The following USP45 variants were observed in gnomAD, a reference collection of about 807,000 sequenced individuals.
The protein encoded by USP45 is ubiquitin specific peptidase 45, also known as ubiquitin carboxyl-terminal hydrolase 45.
A neutral mutation model predicts 95.8 loss-of-function variants in USP45; 89 were observed. The observed-to-expected ratio is 0.93, with a 90% CI of 0.78 to 1.11. The LOEUF (loss-of-function observed/expected upper bound fraction) is 1.11. Among genes scored for constraint, USP45 ranks in the 50% least tolerant of loss-of-function variants. USP45 has a pLI of 0.00. For missense variants in USP45, 898 were observed against 942.5 expected (o/e 0.95, Z 0.62); for synonymous variants, 281 against 316.2 (o/e 0.89, Z 1.18).
rs9389377 is a variant in USP45, at chr6:99,455,022, G to A, written c.1309-8559C>T. Among the ~76,000 whole-genome samples the A allele has an allele frequency of 1.3e-4, 19 of 149,724 alleles. No individual in the cohort carries two copies. In the East Asian group the frequency reaches 2.9e-3, roughly 23 times the overall value. ...GGAGAATCACTTGAACCTGGGAGGT[G>A]GAGGTTGCAGTGAGCCAAGATCACA... On this transcript the variant is annotated intron_variant, in intron 13 of 17. Transcript: ENST00000500704.
chr6:99,436,244 T>A (rs545397156), intron 17 of USP45, among the ~76,000 whole-genome samples: 1 of 152,182 alleles, frequency 6.6e-6, no homozygotes, highest in African/African-American at 2.4e-5. Flanking sequence ...GCATTAATAT[T>A]ATAGGTATAA....
chr6:99,478,220 GTTT>G lies in USP45; in HGVS notation c.846-1993_846-1991del, dbSNP rs71021740. Among the ~76,000 whole-genome samples, 672 of 99,442 alleles carry G rather than the reference GTTT, an allele frequency of 6.8e-3. 7 individuals are homozygous for G. Among genetic ancestry groups the G allele is most frequent in the African/African-American group, 0.02 (559 of 27,288 alleles). The allele number at this position is 99,442 out of a possible 152,430, so 65.2% of individuals were successfully genotyped here. A position where few individuals can be genotyped will look rare whatever the true frequency, so the allele number is the denominator to read the frequency against. Reference sequence around the variant, plus strand: ...AAGAAAATTTAATAAACTTAGATTTGTTTTTTTTTTTTTTTTTTTTTTTTAACC... The same window carrying G: ...AAGAAAATTTAATAAACTTAGATTTGTTTTTTTTTTTTTTTTTTTTTAACC... On this transcript the variant is annotated intron_variant, in intron 8 of 17. Transcript: ENST00000500704.
chr6:99,452,072 A>C (rs1363788026), intron 13 of USP45, among the ~76,000 whole-genome samples: 3 of 152,254 alleles, frequency 2.0e-5, no homozygotes, highest in Admixed American at 1.3e-4. Flanking sequence ...AAAACCATAA[A>C]AACCCTAGAA....
rs17180915 is a variant in USP45 at position 99,435,350 on chromosome 6, T to G, written c.*366A>C. 6.2e-6 allele frequency: 1 copy of G among 162,062 alleles called. No homozygotes were observed. 10.0% of individuals were successfully genotyped at this position (162,062 alleles called of 1,614,324 possible). ...TAGAATATGTGAGAGTTCAGGAAGG[T>G]GGCATTACATTTAGGAATCACTGTC... On this transcript the variant is annotated 3_prime_UTR_variant, in exon 18 of 18. Coordinates refer to ENST00000500704, the MANE Select transcript of USP45 (RefSeq NM_001346022.3).
Position 99,488,675 on chromosome 6 carries a change from T to C in USP45, c.618+6A>G. The C allele has an allele frequency of 6.3e-7, 1 of 1,597,910 alleles. No homozygotes were observed. Among genetic ancestry groups the C allele is most frequent in the Non-Finnish European group, 8.5e-7 (1 of 1,174,228 alleles). Reference sequence around the variant, plus strand: ...ACATATTACAAAGCTTTCTGATGACTCTTACCTGCATGACTGCATTAAAAA... The same window carrying C: ...ACATATTACAAAGCTTTCTGATGACCCTTACCTGCATGACTGCATTAAAAA... On this transcript the variant is annotated splice_donor_region_variant and intron_variant, in intron 6 of 17. Transcript: ENST00000500704.
chr6:99,466,085 C>T (rs1281066260), intron 11 of USP45, among the ~76,000 whole-genome samples: 2 of 151,740 alleles, frequency 1.3e-5, no homozygotes, highest in South Asian at 2.1e-4. Flanking sequence ...AGTGCGATCT[C>T]GGCTCACTGC....
Position 99,482,854 on chromosome 6 carries a change from A to G in USP45, c.744T>C (p.Pro248=). The change falls in exon 8 of 18, where the codon CCT becomes CCC. Residue 248 remains proline (P), a synonymous_variant. Coordinates refer to ENST00000500704, the MANE Select transcript of USP45 (RefSeq NM_001346022.3). ...LDPLVVELSR[P]GPLTSALFLF... is the part of the protein sequence containing the mutation. Reference sequence around the variant, plus strand: ...GGAACAAGGCTGAGGTCAGTGGTCCAGGCCTTGAAAGTTCCACCACCAATG... The same window carrying G: ...GGAACAAGGCTGAGGTCAGTGGTCCGGGCCTTGAAAGTTCCACCACCAATG... 1 of 1,570,012 alleles carries G rather than the reference A, an allele frequency of 6.4e-7. No individual in the cohort carries two copies. The highest frequency in any genetic ancestry group is 8.6e-7 in the Non-Finnish European group (1 of 1,159,890).
At chr6:99,476,486 T>C (rs1380187323) in intron 8 of USP45, among the ~76,000 whole-genome samples, 1 of 152,106 alleles carries the variant, frequency 6.6e-6, no homozygotes, top group Non-Finnish European at 1.5e-5. Flanking sequence ...AAAGACACAG[T>C]TTACTACTTT....
At chr6:99,463,784 G>C (rs1013773857) in intron 13 of USP45, among the ~76,000 whole-genome samples, 84 of 112,564 alleles carry the variant, frequency 7.5e-4, no homozygotes, top group Non-Finnish European at 1.2e-3. Context: ...CTGGGCAACA[G>C]AGCGAGACTC....
chr6:99,483,127 C>A (rs1490716374), intron 7 of USP45, among the ~76,000 whole-genome samples: 1 of 152,088 alleles, frequency 6.6e-6, no homozygotes, highest in Non-Finnish European at 1.5e-5. Flanking sequence ...ATGATATCAC[C>A]AATCTTTAGT....
intron 2 of USP45, 35 bp downstream of exon 2, chr6:99,510,086 C>CAACA (rs1422228874): frequency 1.3e-6 from 2 of 1,485,360 alleles, no homozygotes; most frequent in Non-Finnish European, 1.9e-6. Context: ...TATTTCTTCT[C>CAACA]AACACTATTT....
chr6:99,486,983 C>T (rs556048267), intron 7 of USP45, among the ~76,000 whole-genome samples: 6 of 152,202 alleles, frequency 3.9e-5, no homozygotes, highest in African/African-American at 1.2e-4. Flanking sequence ...AGGGAGATCA[C>T]GCAGCATGGG....
chr6:99,448,881 T>C lies in USP45; in HGVS notation c.1309-2418A>G, dbSNP rs1311843976. Among the ~76,000 whole-genome samples the C allele has an allele frequency of 3.3e-5, 5 of 151,808 alleles. No individual in the cohort carries two copies. The East Asian group carries it at 9.7e-4, about 29-fold the overall frequency. On this transcript the variant is annotated intron_variant, in intron 13 of 17. Coordinates refer to ENST00000500704, the MANE Select transcript of USP45 (RefSeq NM_001346022.3). ...ATTGGGGGCCAATAGTCAACATTCT[T>C]AAAAGAATTTTCACCCCAGAATTTC...
rs575427619 is a variant in USP45, at chr6:99,483,634, C to T, written c.715-751G>A. On this transcript the variant is annotated intron_variant, in intron 7 of 17. Coordinates refer to ENST00000500704, the MANE Select transcript of USP45 (RefSeq NM_001346022.3). ...CGGGTGGATCATGAGGTCAGGAGAT[C>T]GAGACCATCCTGGCTAACAAGGTGA... Among the ~76,000 whole-genome samples the T allele has an allele frequency of 3.0e-3, 446 of 150,974 alleles. 4 individuals carry two copies. Among genetic ancestry groups the T allele is most frequent in the Non-Finnish European group, 3.9e-3 (263 of 67,780 alleles).
intron 4 of USP45, 90 bp from the exon 5 acceptor site, chr6:99,503,955 T>C: frequency 4.5e-6 from 4 of 896,834 alleles, no homozygotes; most frequent in Non-Finnish European, 1.6e-6. Context: ...TAGTTACTTT[T>C]GTCTTTAAAT....
At chr6:99,447,809 T>A (rs1357882017) in intron 13 of USP45, among the ~76,000 whole-genome samples, 1 of 152,196 alleles carries the variant, frequency 6.6e-6, no homozygotes, top group Non-Finnish European at 1.5e-5. Context: ...AGGGGCACAC[T>A]GACACCTCAC....
chr6:99,473,777 A>AACACACACACACAT (rs1790079268), intron 9 of USP45, among the ~76,000 whole-genome samples: 1 of 127,736 alleles, frequency 7.8e-6, no homozygotes, highest in African/African-American at 3.1e-5. Flanking sequence ...AAAAAAACAA[A>AACACACACACACAT]ACACACACAC....
intron 9 of USP45, among the ~76,000 whole-genome samples, chr6:99,469,489 T>TAATATATATATAATATATATATATATA (rs1788837781): frequency 1.2e-5 from 1 of 85,920 alleles, no homozygotes; most frequent in Non-Finnish European, 2.0e-5. Flanking sequence ...TATATATATT[T>TAATATATATATAATATATATATATATA]TTTTTTTTTT....
At position 99,466,766 on chromosome 6, in the gene USP45, G is replaced by A. The variant is rs1299608543; in HGVS notation, c.1016-3C>T. Reference sequence around the variant, plus strand: ...TTTCACACCTTCTTTTCCATATGCTGTAAAAATCATACTTTTTAATGCAAA... The same window carrying A: ...TTTCACACCTTCTTTTCCATATGCTATAAAAATCATACTTTTTAATGCAAA... On this transcript the variant is annotated splice_region_variant and splice_polypyrimidine_tract_variant and intron_variant, in intron 10 of 17. Transcript: ENST00000500704. 7 of 1,609,936 alleles carry A rather than the reference G, an allele frequency of 4.3e-6. No individual in the cohort carries two copies. Among genetic ancestry groups the A allele is most frequent in the Non-Finnish European group, 5.9e-6 (7 of 1,177,098 alleles).
Sources: allele counts gnomAD v4.1 joint callset (sites outside exome capture counted in the v4.1 genomes callset), GRCh38; gene constraint gnomAD v4.1.1; transcripts MANE v1.5; gene names NCBI Gene and HGNC (gene_info 2026-07-23, HGNC 2026-07-21).